The following CHD7 variants were observed in gnomAD, a reference collection of about 807,000 sequenced individuals.
The protein encoded by CHD7 is ATP-dependent chromatin remodeler CHD7.
In CHD7, 24 loss-of-function variants were observed where a neutral mutation model predicts 307.3. The ratio of observed to expected loss-of-function variants is 0.08; its 90% CI spans 0.06 to 0.11. CHD7 has a LOEUF of 0.11. Among genes scored for constraint, CHD7 ranks in the 10% least tolerant of loss-of-function variants. The pLI is 1.00. For synonymous variants in CHD7, 1,363 were observed against 1,349.9 expected, an observed-to-expected ratio of 1.01 and a Z score of -0.21; for missense variants, 3,106 against 3,727.1, an observed-to-expected ratio of 0.83 and a Z score of 4.34.
At position 60,694,627 on chromosome 8, in the gene CHD7, G is replaced by A. The variant is rs142724555; in HGVS notation, c.-175+15545G>A. ...GCCCAGAACATCCTGCAAGGACCAG[G>A]GCAAGAGCCCTTTGTCTCTGGTGTC... On this transcript the variant is annotated intron_variant, in intron 1 of 37. Transcript: ENST00000423902. 1.9e-4 allele frequency among the ~76,000 whole-genome samples: 29 copies of A among 152,330 alleles called. 2 individuals are homozygous for A. The East Asian group carries it at 4.8e-3, about 25-fold the overall frequency.
chr8:60,766,850 T>C (rs1341643870), intron 2 of CHD7, among the ~76,000 whole-genome samples: 2 of 152,164 alleles, frequency 1.3e-5, no homozygotes, highest in East Asian at 1.9e-4. Context: ...TTGAAGGAAG[T>C]GGTGTGGACT....
intron 1 of CHD7, among the ~76,000 whole-genome samples, chr8:60,698,762 C>A (rs1391169418): frequency 6.6e-6 from 1 of 152,144 alleles, no homozygotes; most frequent in African/African-American, 2.4e-5. Flanking sequence ...AGTGGTATGA[C>A]TTGACTTTTC....
chr8:60,861,896 C>G lies in CHD7; in HGVS notation c.7831-300C>G, dbSNP rs1226203956. On this transcript the variant is annotated intron_variant, in intron 35 of 37. Transcript: ENST00000423902. The stretch of plus-strand genomic sequence containing the variant: ...CACTAACTAGAAATTAGTAAAAGTA[C>G]TACAGAAAGCCTCCTTTAAAAGTAT... The G allele has an allele frequency of 2.0e-5, 4 of 202,818 alleles. No individual in the cohort carries two copies. The East Asian group carries it at 5.0e-4, about 26-fold the overall frequency. 12.6% of individuals were successfully genotyped at this position (202,818 alleles called of 1,614,324 possible). A position where few individuals can be genotyped will look rare whatever the true frequency, so the allele number is the denominator to read the frequency against.
intron 1 of CHD7, among the ~76,000 whole-genome samples, chr8:60,716,248 T>C (rs1807593077): frequency 6.6e-6 from 1 of 152,340 alleles, no homozygotes; most frequent in South Asian, 2.1e-4. Flanking sequence ...TTGCCTGCAG[T>C]CTTTCCAATG....
chr8:60,719,540 C>T (rs1807791726), intron 1 of CHD7, among the ~76,000 whole-genome samples: 1 of 152,106 alleles, frequency 6.6e-6, no homozygotes, highest in African/African-American at 2.4e-5. Flanking sequence ...GCTAGTTTGT[C>T]TTGCCATGAA....
intron 2 of CHD7, among the ~76,000 whole-genome samples, chr8:60,747,553 T>G (rs988006263): frequency 2.6e-5 from 4 of 152,254 alleles, no homozygotes; most frequent in African/African-American, 9.6e-5. Context: ...ATATTGATTT[T>G]CACATCTGCT....
chr8:60,856,922 A>C lies in CHD7; in HGVS notation c.7608+34A>C, dbSNP rs1334038838. On this transcript the variant is annotated intron_variant, in intron 34 of 37. Coordinates refer to ENST00000423902, the MANE Select transcript of CHD7 (RefSeq NM_017780.4). The stretch of plus-strand genomic sequence containing the variant: ...GGGAGCTTGCCTGCATGGCGATTGC[A>C]CGTGTTGACAGCTGAGGGTCCTGTG... The C allele has an allele frequency of 2.6e-6, 4 of 1,512,866 alleles. No homozygotes were observed. In the Admixed American group the frequency reaches 8.8e-5, roughly 33 times the overall value. The allele number at this position is 1,512,866 out of a possible 1,614,324, so 93.7% of individuals were successfully genotyped here.
At chr8:60,805,335 C>T (rs1169187964) in intron 6 of CHD7, among the ~76,000 whole-genome samples, 2 of 152,094 alleles carry the variant, frequency 1.3e-5, no homozygotes, top group Non-Finnish European at 1.5e-5. Flanking sequence ...GTTTTAGGGG[C>T]AAGAAGGTGG....
At chr8:60,710,234 CT>C (rs35355868) in intron 1 of CHD7, among the ~76,000 whole-genome samples, 15,999 of 141,812 alleles carry the variant, frequency 0.11, 1,708 homozygotes, top group African/African-American at 0.31. Flanking sequence ...GAAATGAAAA[CT>C]TTTTTTTTTT....
intron 4 of CHD7, among the ~76,000 whole-genome samples, chr8:60,799,253 A>G (rs1306952033): frequency 6.6e-6 from 1 of 152,138 alleles, no homozygotes; most frequent in Admixed American, 6.5e-5. Context: ...GATATTCCCA[A>G]ACTTCCTGGA....
At chr8:60,708,261 C>T (rs1190332199) in intron 1 of CHD7, among the ~76,000 whole-genome samples, 2 of 152,130 alleles carry the variant, frequency 1.3e-5, no homozygotes, top group African/African-American at 2.4e-5. Flanking sequence ...TGGCTTTCTC[C>T]CCAACCATTC....
intron 1 of CHD7, among the ~76,000 whole-genome samples, chr8:60,710,519 T>G (rs1244039541): frequency 6.6e-6 from 1 of 152,236 alleles, no homozygotes; most frequent in African/African-American, 2.4e-5. Flanking sequence ...ATTCAAAAAC[T>G]CAGTGTCTTT....
At chr8:60,758,207 C>A (rs1809990544) in intron 2 of CHD7, among the ~76,000 whole-genome samples, 1 of 152,064 alleles carries the variant, frequency 6.6e-6, no homozygotes, top group Non-Finnish European at 1.5e-5. Flanking sequence ...ATGATCATGG[C>A]TCACTGCGTC....
intron 29 of CHD7, 56 bp downstream of exon 29, chr8:60,852,303 C>A: frequency 6.7e-7 from 1 of 1,485,168 alleles, no homozygotes; most frequent in Non-Finnish European, 9.2e-7. Flanking sequence ...CTGCCCTGCT[C>A]CTGTAGACCC....
intron 23 of CHD7, among the ~76,000 whole-genome samples, 170 bp downstream of exon 23, chr8:60,845,579 T>A (rs1482076426): frequency 6.6e-6 from 1 of 152,210 alleles, no homozygotes; most frequent in African/African-American, 2.4e-5. Flanking sequence ...CCTGGAACCA[T>A]ACTCCCGCGG....
chr8:60,773,391 C>T (rs1810805330), intron 2 of CHD7, among the ~76,000 whole-genome samples: 1 of 152,174 alleles, frequency 6.6e-6, no homozygotes, highest in Non-Finnish European at 1.5e-5. Flanking sequence ...CATGTAAAAA[C>T]ATCATTCAAG....
intron 13 of CHD7, among the ~76,000 whole-genome samples, chr8:60,825,914 G>A (rs1438848771): frequency 6.6e-6 from 1 of 151,856 alleles, no homozygotes; most frequent in Non-Finnish European, 1.5e-5. Flanking sequence ...AGGTATACAT[G>A]TGCCATGTTG....
chr8:60,805,380 A>G (rs1812490569), intron 6 of CHD7, among the ~76,000 whole-genome samples: 1 of 152,142 alleles, frequency 6.6e-6, no homozygotes, highest in Admixed American at 6.5e-5. Context: ...AACAGAACCA[A>G]GTGTTGTATT....
chr8:60,792,397 G>C (rs1322956672), intron 3 of CHD7, among the ~76,000 whole-genome samples: 1 of 152,020 alleles, frequency 6.6e-6, no homozygotes, highest in Non-Finnish European at 1.5e-5. Context: ...AGATTTTGTT[G>C]CTTTTTTTTT....
Sources: gnomAD v4.1 joint callset for allele counts (sites outside exome capture counted in the v4.1 genomes callset) on GRCh38, gnomAD v4.1.1 for gene constraint, MANE v1.5 for transcripts, NCBI Gene and HGNC (gene_info 2026-07-23, HGNC 2026-07-21) for gene names.